NMT2: variants seen among roughly 807,000 people sequenced by gnomAD.
NMT2 encodes glycylpeptide N-tetradecanoyltransferase 2.
In NMT2, 35 loss-of-function variants were observed where a neutral mutation model predicts 65.4. That is an observed-to-expected ratio of 0.54 (90% confidence interval 0.41 to 0.71). The LOEUF (loss-of-function observed/expected upper bound fraction) is 0.71, where lower values mean the gene tolerates loss of function less well. NMT2 is among the 30% of genes least tolerant of loss of function. The probability of loss-of-function intolerance (pLI) is 0.00; values close to 1 mark genes in which losing one functional copy is unlikely to be tolerated. For missense variants in NMT2, 489 were observed against 611.3 expected, an observed-to-expected ratio of 0.80 and a Z score of 2.11; for synonymous variants, 226 against 231.8, an observed-to-expected ratio of 0.98 and a Z score of 0.23.
At position 15,109,151 on chromosome 10, in the gene NMT2, T is replaced by C. The variant is rs1272255831; in HGVS notation, c.*44A>G. The C allele has an allele frequency of 6.3e-7, 1 of 1,597,812 alleles. No individual in the cohort carries two copies. The highest frequency in any genetic ancestry group is 8.5e-7 in the Non-Finnish European group (1 of 1,175,124). On this transcript the variant is annotated 3_prime_UTR_variant, in exon 12 of 12. Coordinates refer to ENST00000378165, the MANE Select transcript of NMT2 (RefSeq NM_004808.3). ...TGGCAGTTCCAGAAATCATTAAATA[T>C]TAACAAATGATGATGTCAGAGTTCT...
At chr10:15,165,749 G>A (rs1048711152) in intron 1 of NMT2, among the ~76,000 whole-genome samples, 1 of 151,678 alleles carries the variant, frequency 6.6e-6, no homozygotes, top group Non-Finnish European at 1.5e-5. Context: ...GTGGTGCCAC[G>A]CGCCTGTAAT....
chr10:15,135,925 A>G (rs1392946406), intron 2 of NMT2, among the ~76,000 whole-genome samples: 1 of 151,400 alleles, frequency 6.6e-6, no homozygotes, highest in Non-Finnish European at 1.5e-5. Context: ...AGAGAAAGAG[A>G]GAGAGAAAGA....
At chr10:15,156,458 T>C (rs538335709) in intron 1 of NMT2, among the ~76,000 whole-genome samples, 8 of 152,286 alleles carry the variant, frequency 5.3e-5, no homozygotes, top group Non-Finnish European at 1.0e-4. Flanking sequence ...ACGTACATCC[T>C]TATAGCAGCA....
chr10:15,109,449 T>C (rs890037741), intron 11 of NMT2, among the ~76,000 whole-genome samples: 2 of 152,074 alleles, frequency 1.3e-5, no homozygotes, highest in African/African-American at 4.8e-5. Context: ...GTGGTGGATG[T>C]AATCCCAGCT....
At position 15,130,186 on chromosome 10, in the gene NMT2, C is replaced by T. The variant is rs1305027294; in HGVS notation, c.846G>A (p.Val282=). 3.1e-6 allele frequency: 5 copies of T among 1,598,140 alleles called. No homozygotes were observed. Among genetic ancestry groups the T allele is most frequent in the Non-Finnish European group, 4.3e-6 (5 of 1,171,316 alleles). ...RVNLEGIFQA[V]YTAGVVLPKP... is the part of the protein sequence containing the mutation. ...TAGGAAGAACCACTCCCGCGGTGTA[C>T]ACAGCCTGGAAGATCCCTTCCAGGT... Residue 282 remains valine, a synonymous_variant, in exon 7 of 12, where the codon GTG becomes GTA. Transcript: ENST00000378165.
intron 1 of NMT2, among the ~76,000 whole-genome samples, chr10:15,145,355 C>T (rs1846925789): frequency 6.6e-6 from 1 of 152,086 alleles, no homozygotes; most frequent in African/African-American, 2.4e-5. Context: ...AAGCTAAAAG[C>T]TGCTGAATGG....
At chr10:15,138,460 A>C (rs962552531) in intron 2 of NMT2, 1 of 471,058 alleles carries the variant, frequency 2.1e-6, no homozygotes, top group African/African-American at 2.0e-5. Context: ...ATGAGTGTGC[A>C]TCAGGCAAGG....
In NMT2 at chr10:15,106,916, CAT is replaced by C. The variant is rs1845323688; in HGVS notation, c.*2277_*2278del. On this transcript the variant is annotated 3_prime_UTR_variant, in exon 12 of 12. Transcript: ENST00000378165. ...AGGAGTTAAAGACCAGCACGGGAAA[CAT>C]AGCAAGACCTTGTCTCTACAAAAAA... Among the ~76,000 whole-genome samples, 2 of 152,284 alleles carry C rather than the reference CAT, an allele frequency of 1.3e-5. No homozygotes were observed. The highest frequency in any genetic ancestry group is 2.1e-4 in the South Asian group (1 of 4,822).
intron 1 of NMT2, among the ~76,000 whole-genome samples, chr10:15,144,678 C>T (rs10796259): frequency 0.37 from 55,612 of 151,592 alleles, 12,354 homozygotes; most frequent in African/African-American, 0.64. Context: ...TTGCAGTGAG[C>T]CGAGATTGCA....
intron 1 of NMT2, among the ~76,000 whole-genome samples, chr10:15,150,430 C>A (rs536058027): frequency 1.3e-5 from 2 of 152,148 alleles, no homozygotes; most frequent in Non-Finnish European, 2.9e-5. Flanking sequence ...ATGCAGAGTC[C>A]AGAGCAGGAA....
intron 1 of NMT2, chr10:15,155,097 T>A: frequency 1.4e-6 from 2 of 1,425,840 alleles, no homozygotes; most frequent in Non-Finnish European, 2.0e-6. Context: ...GTAGACAGAC[T>A]TGCCACCAGT....
chr10:15,166,351 C>T (rs1216533656), intron 1 of NMT2, among the ~76,000 whole-genome samples: 2 of 152,174 alleles, frequency 1.3e-5, no homozygotes, highest in Non-Finnish European at 2.9e-5. Flanking sequence ...CATCCAAAGG[C>T]TCATTATTTG....
At chr10:15,141,384 G>A in intron 2 of NMT2, 38 bp downstream of exon 2, 1 of 1,611,618 alleles carries the variant, frequency 6.2e-7, no homozygotes, top group Non-Finnish European at 8.5e-7. Context: ...TCATGCACGA[G>A]AAACCACACA....
At chr10:15,113,486 A>AAAAAAAAAAAG (rs1564558939) in intron 9 of NMT2, among the ~76,000 whole-genome samples, 1 of 148,824 alleles carries the variant, frequency 6.7e-6, no homozygotes, top group African/African-American at 2.5e-5. Context: ...AAAAAAAAAA[A>AAAAAAAAAAAG]AAAGAAAGAA....
chr10:15,160,590 G>A lies in NMT2; in HGVS notation c.110+7913C>T, dbSNP rs539719717. ...AGGAGTTCGAGACCAGCCGGCCAAC[G>A]TGGTGAAACCCCGTCTCTACTAAAA... On this transcript the variant is annotated intron_variant, in intron 1 of 11. Coordinates refer to ENST00000378165, the MANE Select transcript of NMT2 (RefSeq NM_004808.3). 5.9e-5 allele frequency among the ~76,000 whole-genome samples: 9 copies of A among 152,030 alleles called. No individual in the cohort carries two copies. In the South Asian group the frequency reaches 1.7e-3, roughly 28 times the overall value.
chr10:15,134,224 A>G (rs1188885305), intron 3 of NMT2, among the ~76,000 whole-genome samples: 1 of 152,032 alleles, frequency 6.6e-6, no homozygotes, highest in Non-Finnish European at 1.5e-5. Flanking sequence ...GAGTTTTCCA[A>G]GTCCTTCTCT....
intron 1 of NMT2, among the ~76,000 whole-genome samples, chr10:15,155,550 T>G (rs1473299919): frequency 2.2e-5 from 3 of 137,246 alleles, no homozygotes; most frequent in African/African-American, 8.4e-5. Context: ...TTTTTTTTTT[T>G]TTTTTTTTTT....
intron 1 of NMT2, among the ~76,000 whole-genome samples, chr10:15,156,964 T>C (rs1270623413): frequency 6.6e-6 from 1 of 151,962 alleles, no homozygotes; most frequent in Non-Finnish European, 1.5e-5. Flanking sequence ...AAATAAGCAC[T>C]CTGCTTTCAC....
intron 8 of NMT2, among the ~76,000 whole-genome samples, chr10:15,127,567 AAAATAAATAAATAAAT>A (rs772973798): frequency 9.8e-4 from 88 of 90,044 alleles, no homozygotes; most frequent in African/African-American, 3.2e-3. Context: ...AAAAAAAAAA[AAAATAAATAAATAAAT>A]AAATAAATAA....
Sources: gnomAD v4.1 joint callset for allele counts (sites outside exome capture counted in the v4.1 genomes callset) on GRCh38, gnomAD v4.1.1 for gene constraint, MANE v1.5 for transcripts, NCBI Gene and HGNC (gene_info 2026-07-23, HGNC 2026-07-21) for gene names.